The following FLI1 variants were observed in gnomAD, a reference collection of about 807,000 sequenced individuals.
FLI1 encodes Fli-1 proto-oncogene, ETS transcription factor, also known as Friend leukemia integration 1 transcription factor.
A neutral mutation model predicts 53.1 loss-of-function variants in FLI1; 13 were observed. The observed-to-expected ratio is 0.24, with a 90% confidence interval of 0.16 to 0.39. FLI1 has a LOEUF of 0.39. FLI1 is among the 10% of genes least tolerant of loss of function. The pLI, the probability that FLI1 is intolerant of heterozygous loss-of-function variation, is 1.00. For synonymous variants in FLI1, 244 were observed against 236.7 expected, an observed-to-expected ratio of 1.03 and a Z score of -0.28; for missense variants, 424 against 600.5, an observed-to-expected ratio of 0.71 and a Z score of 3.07.
chr11:128,722,835 C>G (rs999058985), intron 1 of FLI1, among the ~76,000 whole-genome samples: 1 of 152,074 alleles, frequency 6.6e-6, no homozygotes, highest in Admixed American at 6.5e-5. Context: ...CTCTGGGAAC[C>G]GCGGGGTGGG....
chr11:128,801,461 A>G (rs989479102), intron 5 of FLI1, among the ~76,000 whole-genome samples: 4 of 152,248 alleles, frequency 2.6e-5, no homozygotes, highest in African/African-American at 9.6e-5. Flanking sequence ...TGACATTGTT[A>G]AAAACACATA....
intron 5 of FLI1, among the ~76,000 whole-genome samples, chr11:128,785,028 C>A (rs1184246100): frequency 6.6e-6 from 1 of 152,202 alleles, no homozygotes; most frequent in Non-Finnish European, 1.5e-5. Context: ...GTATAATCAC[C>A]CTTCCAGCTT....
chr11:128,774,381 G>A (rs187767849), intron 4 of FLI1, among the ~76,000 whole-genome samples: 1 of 152,304 alleles, frequency 6.6e-6, no homozygotes, highest in East Asian at 1.9e-4. Flanking sequence ...TTCAAAAAAG[G>A]GGACAATTTT....
rs140421791 is a variant in FLI1 at position 128,779,510 on chromosome 11, A to G, written c.590-2448A>G. On this transcript the variant is annotated intron_variant, in intron 4 of 8. Coordinates refer to ENST00000527786, the MANE Select transcript of FLI1 (RefSeq NM_002017.5). Reference sequence around the variant, plus strand: ...ACGCATGTATAAAGAGAACTATTGTATGTAATTGTGACATCTGTGGGAGAA... The same window carrying G: ...ACGCATGTATAAAGAGAACTATTGTGTGTAATTGTGACATCTGTGGGAGAA... Among the ~76,000 whole-genome samples the G allele has an allele frequency of 5.3e-5, 8 of 152,344 alleles. No individual in the cohort carries two copies. In the East Asian group the frequency reaches 1.2e-3, roughly 22 times the overall value.
chr11:128,796,956 C>T (rs1181097492), intron 5 of FLI1, among the ~76,000 whole-genome samples: 1 of 152,206 alleles, frequency 6.6e-6, no homozygotes, highest in Admixed American at 6.5e-5. Flanking sequence ...GCCTGGGGGA[C>T]AAGAGCAAGA....
rs190368711 is a variant in FLI1 at position 128,758,939 on chromosome 11, C to T, written c.230+613C>T. 4.6e-5 allele frequency among the ~76,000 whole-genome samples: 7 copies of T among 152,346 alleles called. No individual in the cohort carries two copies. In the East Asian group the frequency reaches 1.4e-3, roughly 29 times the overall value. ...CAGGGTCATGGAAGAGGACAGTGGA[C>T]AGGCGGCCTCAGTTTTGCGTCCTGC... On this transcript the variant is annotated intron_variant, in intron 2 of 8. Transcript: ENST00000527786.
chr11:128,806,220 T>G (rs1260824847), intron 6 of FLI1: 1 of 152,158 alleles, frequency 6.6e-6, no homozygotes, highest in Non-Finnish European at 1.5e-5. Context: ...CACATGACAT[T>G]TGGCAATATA....
chr11:128,804,413 A>G (rs1942721077), intron 5 of FLI1: 1 of 152,236 alleles, frequency 6.6e-6, no homozygotes, highest in South Asian at 2.1e-4. Flanking sequence ...TGGGACTCAT[A>G]CCAAGAGAAA....
chr11:128,805,248 C>A (rs1942747154), intron 5 of FLI1, 118 bp from the exon 6 acceptor site: 2 of 605,674 alleles, frequency 3.3e-6, no homozygotes, highest in South Asian at 2.3e-5. Flanking sequence ...TTTAGGGATG[C>A]TTTAAAAGCC....
upstream of FLI1, chr11:128,693,486 C>G: frequency 5.7e-6 from 1 of 174,816 alleles, no homozygotes; most frequent in Non-Finnish European, 1.2e-5. Context: ...CTGGGTTACC[C>G]GCAGCCCTAG....
chr11:128,781,811 A>G lies in FLI1; in HGVS notation c.590-147A>G. The G allele has an allele frequency of 6.0e-6, 4 of 665,442 alleles. No homozygotes were observed. The East Asian group carries it at 1.1e-4, about 18-fold the overall frequency. The allele number at this position is 665,442 out of a possible 1,614,324, so 41.2% of individuals were successfully genotyped here. On this transcript the variant is annotated intron_variant, in intron 4 of 8. Transcript: ENST00000527786. ...GATTGTCTCCAACCAAATGGATTCC[A>G]TTCGCTTTTCCTTTCTTCCTAGGAG... is the stretch of plus-strand genomic sequence containing the variant.
chr11:128,768,015 G>T, intron 2 of FLI1, 103 bp from the exon 3 acceptor site: 1 of 1,039,180 alleles, frequency 9.6e-7, no homozygotes, highest in Non-Finnish European at 1.4e-6. Flanking sequence ...CCGGGCAATG[G>T]CTCCATGCTC....
upstream of FLI1, chr11:128,693,249 C>T (rs112600836): frequency 3.9e-5 from 6 of 152,362 alleles, no homozygotes; most frequent in East Asian, 1.2e-3. Flanking sequence ...GGCGCGCCGC[C>T]CCGAGGGGCC....
intron 2 of FLI1, among the ~76,000 whole-genome samples, chr11:128,760,514 A>C (rs1591789069): frequency 7.3e-6 from 1 of 137,004 alleles, no homozygotes; most frequent in Middle Eastern, 3.9e-3. Flanking sequence ...CCACTGGTGG[A>C]GATTCCTTTT....
intron 1 of FLI1, among the ~76,000 whole-genome samples, chr11:128,748,675 C>T (rs1325527450): frequency 1.3e-5 from 2 of 151,984 alleles, no homozygotes; most frequent in African/African-American, 4.8e-5. Flanking sequence ...CAGCCGGACA[C>T]TCTGAAGCTC....
intron 7 of FLI1, among the ~76,000 whole-genome samples, chr11:128,808,920 A>G (rs1942861140): frequency 6.6e-6 from 1 of 152,198 alleles, no homozygotes; most frequent in Non-Finnish European, 1.5e-5. Context: ...TTAGATGCCA[A>G]AATAAGAAAA....
Position 128,810,321 on chromosome 11 carries a change from T to C in FLI1, c.830-138T>C. ...AATCAACAATGACATAAGAAGGGCT[T>C]GTCAAGTCGATCCCAATGTCGAAGG... On this transcript the variant is annotated intron_variant, in intron 8 of 8. Transcript: ENST00000527786. This position sits in a 1 kb window ranked among gnomAD's most constrained non-coding sequence, Gnocchi z 6.6. 1.2e-6 allele frequency: 1 copy of C among 816,348 alleles called. No homozygotes were observed. The highest frequency in any genetic ancestry group is 1.9e-6 in the Non-Finnish European group (1 of 530,732). 50.6% of individuals were successfully genotyped at this position (816,348 alleles called of 1,614,324 possible).
Position 128,811,306 on chromosome 11 carries a change from G to A in FLI1, c.*318G>A, listed in dbSNP as rs781007890. 7.1e-4 allele frequency: 296 copies of A among 415,356 alleles called. 1 individual carries two copies. The highest frequency in any genetic ancestry group is 8.3e-4 in the Non-Finnish European group (191 of 230,826). 25.7% of individuals were successfully genotyped at this position (415,356 alleles called of 1,614,324 possible). ...CATGGTTCTGAGAAAGAAGCTGTAC[G>A]TTTTCTTTATGTTTTTATGACCAAA... is the stretch of plus-strand genomic sequence containing the variant. On this transcript the variant is annotated 3_prime_UTR_variant, in exon 9 of 9. Coordinates refer to ENST00000527786, the MANE Select transcript of FLI1 (RefSeq NM_002017.5).
At chr11:128,699,528 G>A (rs777879486) in intron 1 of FLI1, among the ~76,000 whole-genome samples, 17 of 152,062 alleles carry the variant, frequency 1.1e-4, no homozygotes, top group Admixed American at 2.0e-4. Flanking sequence ...AGCTTTTTTC[G>A]TAATCTCAGA....
Sources: gnomAD v4.1 joint callset for allele counts (sites outside exome capture counted in the v4.1 genomes callset) on GRCh38, gnomAD v4.1.1 for gene constraint, Gnocchi (gnomAD v3.1) non-coding constraint, MANE v1.5 for transcripts, NCBI Gene and HGNC (gene_info 2026-07-23, HGNC 2026-07-21) for gene names.